The following C6orf118 variants were observed in gnomAD, a reference collection of about 807,000 sequenced individuals.
C6orf118 encodes uncharacterized protein C6orf118.
A neutral mutation model predicts 50.2 loss-of-function variants in C6orf118; 50 were observed. That is an observed-to-expected ratio of 1.00 (90% CI 0.79 to 1.26). The LOEUF is 1.26. C6orf118 is among the 50% of genes most tolerant of loss of function. The pLI, the probability that C6orf118 is intolerant of heterozygous loss-of-function variation, is 0.00. For missense variants in C6orf118, 641 were observed against 578.7 expected (o/e 1.11, Z -1.10); for synonymous variants, 239 against 230.9 (o/e 1.03, Z -0.32).
chr6:165,298,676 G>T (rs1179751904), intron 4 of C6orf118, among the ~76,000 whole-genome samples: 1 of 152,164 alleles, frequency 6.6e-6, no homozygotes. Flanking sequence ...TAAGGAACAA[G>T]GTAAATTCCC....
At chr6:165,294,257 A>AAAAC (rs1160868882) in intron 5 of C6orf118, among the ~76,000 whole-genome samples, 3 of 147,826 alleles carry the variant, frequency 2.0e-5, no homozygotes, top group Admixed American at 6.7e-5. Context: ...AAAAAAGCAA[A>AAAAC]AAAAAAAAAA....
chr6:165,299,334 T>C, intron 4 of C6orf118, 109 bp downstream of exon 4: 1 of 865,630 alleles, frequency 1.2e-6, no homozygotes, highest in Non-Finnish European at 1.9e-6. Context: ...TATTCTAAAT[T>C]ATGGGGCACA....
In C6orf118 at chr6:165,298,078, C is replaced by G. The variant is rs761856449; in HGVS notation, c.960G>C (p.Ala320=). Residue 320 remains alanine (A), a synonymous_variant, in exon 5 of 9, where the codon GCG becomes GCC. Transcript: ENST00000230301. ...CCGTCTTCACCGGCCTCTGCCCCAGCGCCTTGAGTTGAGCCAGAAGAGCCT... is the reference window on the plus strand; with the variant it reads ...CCGTCTTCACCGGCCTCTGCCCCAGGGCCTTGAGTTGAGCCAGAAGAGCCT... ...QYEALLAQLK[A]LGQRPVKTAD... 8.1e-6 allele frequency: 13 copies of G among 1,607,656 alleles called. No homozygotes were observed. The highest frequency in any genetic ancestry group is 1.1e-5 in the Non-Finnish European group (13 of 1,177,068).
intron 7 of C6orf118, among the ~76,000 whole-genome samples, chr6:165,282,771 A>G (rs562896193): frequency 2.0e-5 from 3 of 152,188 alleles, no homozygotes; most frequent in African/African-American, 7.2e-5. Flanking sequence ...GCAGCCAAAT[A>G]TAAATAAGAA....
chr6:165,296,219 TTTG>T (rs1179074041), intron 5 of C6orf118, among the ~76,000 whole-genome samples: 51 of 151,878 alleles, frequency 3.4e-4, no homozygotes, highest in Admixed American at 1.1e-3. Context: ...AATTCAGTTT[TTTG>T]TTGTTGTTGT....
At position 165,300,480 on chromosome 6, in the gene C6orf118, G is replaced by A; in HGVS notation, c.760C>T (p.Gln254Ter). 6.2e-7 allele frequency: 1 copy of A among 1,608,652 alleles called. No homozygotes were observed. The highest frequency in any genetic ancestry group is 8.5e-7 in the Non-Finnish European group (1 of 1,177,770). The change falls in exon 3 of 9, where the codon CAG becomes TAG. Residue 254 changes from glutamine (Q) to a stop codon, truncating the protein, a stop_gained. Transcript: ENST00000230301. LOFTEE classifies it high-confidence loss of function. ...TGGGGGCTGCACGTGCAAATTTTCTGGAGCTCCTGGAGGAAAAACAGAGTC... is the reference window on the plus strand; with the variant it reads ...TGGGGGCTGCACGTGCAAATTTTCTAGAGCTCCTGGAGGAAAAACAGAGTC... ...GHERKLQQEL[Q>*]KICTCSPQQF...
At chr6:165,280,230 T>C in intron 8 of C6orf118, 120 bp from the exon 9 acceptor site, 1 of 663,260 alleles carries the variant, frequency 1.5e-6, no homozygotes, top group Non-Finnish European at 2.5e-6. Flanking sequence ...AAGATGAGAC[T>C]TTGTAATCAT....
chr6:165,292,313 T>A (rs1780132439), intron 6 of C6orf118, among the ~76,000 whole-genome samples: 1 of 152,032 alleles, frequency 6.6e-6, no homozygotes, highest in South Asian at 2.1e-4. Flanking sequence ...ATAGAAAGCT[T>A]TGGGAAAATA....
chr6:165,306,535 C>CAAAAAAAAAAAAAAAAAAAA (rs60755206), intron 1 of C6orf118, among the ~76,000 whole-genome samples: 1 of 39,686 alleles, frequency 2.5e-5, no homozygotes, highest in African/African-American at 7.6e-5. Context: ...TAGGTGAATG[C>CAAAAAAAAAAAAAAAAAAAA]AAAAAAAAAA....
chr6:165,294,476 A>G (rs1038617422), intron 5 of C6orf118, among the ~76,000 whole-genome samples: 15 of 152,168 alleles, frequency 9.9e-5, no homozygotes, highest in Non-Finnish European at 1.9e-4. Flanking sequence ...ATCCACATGC[A>G]AATAATTTAA....
At chr6:165,306,840 C>A (rs1780754292) in intron 1 of C6orf118, among the ~76,000 whole-genome samples, 1 of 152,104 alleles carries the variant, frequency 6.6e-6, no homozygotes, top group African/African-American at 2.4e-5. Flanking sequence ...CTTCTGTCTG[C>A]CACATTCTTG....
At chr6:165,305,713 A>C (rs982251708) in intron 1 of C6orf118, among the ~76,000 whole-genome samples, 4 of 122,106 alleles carry the variant, frequency 3.3e-5, no homozygotes, top group African/African-American at 1.6e-4. Context: ...GCCAAAAAAC[A>C]CATGAAGAAA....
intron 7 of C6orf118, among the ~76,000 whole-genome samples, chr6:165,284,039 G>A (rs905597112): frequency 1.3e-5 from 2 of 152,186 alleles, no homozygotes; most frequent in Non-Finnish European, 2.9e-5. Flanking sequence ...CTGAGCTAAA[G>A]GAGTATGTTC....
At chr6:165,307,899 C>T (rs1393781975) in intron 1 of C6orf118, among the ~76,000 whole-genome samples, 2 of 152,182 alleles carry the variant, frequency 1.3e-5, no homozygotes, top group East Asian at 1.9e-4. Context: ...TCCATCACTC[C>T]CCTGTGTCCA....
At chr6:165,295,777 C>T (rs117122679) in intron 5 of C6orf118, among the ~76,000 whole-genome samples, 9,283 of 152,006 alleles carry the variant, frequency 0.061, 318 homozygotes, top group Non-Finnish European at 0.083. Context: ...GGTTTCTAAA[C>T]TTTCCTTTCT....
intron 1 of C6orf118, 120 bp from the exon 2 acceptor site, chr6:165,302,416 A>G: frequency 8.0e-7 from 1 of 1,254,742 alleles, no homozygotes; most frequent in Non-Finnish European, 1.1e-6. Flanking sequence ...GAAACAGACG[A>G]ACAGAGTACA....
At chr6:165,287,483 TA>T (rs1437591343) in intron 7 of C6orf118, among the ~76,000 whole-genome samples, 1 of 152,126 alleles carries the variant, frequency 6.6e-6, no homozygotes, top group African/African-American at 2.4e-5. Context: ...AACACAACAC[TA>T]AGCCAAAAGA....
At chr6:165,299,565 A>G (rs1780438456) in intron 3 of C6orf118, 63 bp from the exon 4 acceptor site, 2 of 1,261,720 alleles carry the variant, frequency 1.6e-6, no homozygotes, top group Non-Finnish European at 2.3e-6. Context: ...CAGGTGTTTC[A>G]CGTGTATAAA....
intron 7 of C6orf118, among the ~76,000 whole-genome samples, chr6:165,287,624 A>G (rs116050939): frequency 0.021 from 3,202 of 152,240 alleles, 115 homozygotes; most frequent in African/African-American, 0.073. Flanking sequence ...CTCAGAAATA[A>G]GACTGCACGC....
Sources: gnomAD v4.1 joint callset for allele counts (sites outside exome capture counted in the v4.1 genomes callset) on GRCh38, gnomAD v4.1.1 for gene constraint, MANE v1.5 for transcripts, NCBI Gene and HGNC (gene_info 2026-07-23, HGNC 2026-07-21) for gene names.